The following WARS1 variants were observed in gnomAD, a reference collection of about 807,000 sequenced individuals.
WARS1 encodes tryptophan--tRNA ligase, cytoplasmic.
Under a neutral mutation model 47.8 loss-of-function variants are expected in WARS1, and 17 were observed. The ratio of observed to expected loss-of-function variants is 0.36; its 90% CI spans 0.24 to 0.53. WARS1 has a LOEUF of 0.53. Ranked by LOEUF, WARS1 falls within the 20% of genes least tolerant of loss-of-function variation. The pLI is 0.91. For missense variants in WARS1, 434 were observed against 608.0 expected, an observed-to-expected ratio of 0.71 and a Z score of 3.01; for synonymous variants, 208 against 228.1, an observed-to-expected ratio of 0.91 and a Z score of 0.79.
At chr14:100,344,358 T>G (rs1460697942) in intron 7 of WARS1, among the ~76,000 whole-genome samples, 1 of 152,218 alleles carries the variant, frequency 6.6e-6, no homozygotes. Flanking sequence ...GTGCCGGGAT[T>G]GCAGACGGAG....
At chr14:100,367,949 A>G (rs1896107735) in intron 2 of WARS1, among the ~76,000 whole-genome samples, 1 of 43,888 alleles carries the variant, frequency 2.3e-5, no homozygotes. Context: ...CTGCCCAAAG[A>G]GTAAAGCAAA....
At chr14:100,367,587 C>T (rs1185055365) in intron 2 of WARS1, among the ~76,000 whole-genome samples, 1 of 20,598 alleles carries the variant, frequency 4.9e-5, no homozygotes, top group Non-Finnish European at 8.8e-5. Flanking sequence ...GATTCCATCT[C>T]GGGGGGCGGG....
At chr14:100,350,331 G>A (rs1894886221) in intron 6 of WARS1, among the ~76,000 whole-genome samples, 1 of 136,540 alleles carries the variant, frequency 7.3e-6, no homozygotes, top group Non-Finnish European at 1.5e-5. Context: ...GGCAGATATT[G>A]CAGTAAGCCG....
intron 1 of WARS1, chr14:100,370,608 G>GTA (rs1896286348): frequency 6.6e-6 from 1 of 152,102 alleles, no homozygotes; most frequent in Non-Finnish European, 1.5e-5. Context: ...TCTAAGCACC[G>GTA]TATATGTATC....
chr14:100,337,097 G>C lies in WARS1; in HGVS notation c.1219C>G (p.Leu407Val). The C allele has an allele frequency of 6.2e-7, 1 of 1,614,128 alleles. No homozygotes were observed. The highest frequency in any genetic ancestry group is 1.3e-5 in the African/African-American group (1 of 75,038). The change falls in exon 10 of 11, where the codon CTC (leucine) becomes GTC (valine). Residue 407 changes from leucine (L) to valine (V), a missense_variant. By Grantham distance (32) the Leu-to-Val change is conservative. Transcript: ENST00000392882. ...DVSFMYLTFF[L>V]EDDDKLEQIR... ...TGCTCGAGCTTGTCGTCGTCCTCGA[G>C]GAAGAAGGTCAGGTACATGAAAGAC...
intron 7 of WARS1, among the ~76,000 whole-genome samples, chr14:100,344,966 C>T (rs1418259936): frequency 3.0e-4 from 46 of 150,838 alleles, no homozygotes; most frequent in South Asian, 6.3e-4. Context: ...GTCAGCCCCC[C>T]GCCCGGCCAG....
intron 4 of WARS1, 103 bp from the exon 5 acceptor site, chr14:100,354,669 A>G: frequency 3.8e-6 from 5 of 1,304,868 alleles, no homozygotes; most frequent in Non-Finnish European, 5.2e-6. Context: ...ACGAAACAAC[A>G]TGGATAATAA....
chr14:100,366,324 A>G (rs925818940), intron 2 of WARS1, among the ~76,000 whole-genome samples: 2 of 152,196 alleles, frequency 1.3e-5, no homozygotes, highest in East Asian at 1.9e-4. Context: ...CCTTGACACG[A>G]AAGATTCCCC....
chr14:100,367,393 GC>G, intron 2 of WARS1, among the ~76,000 whole-genome samples: 1 of 152,132 alleles, frequency 6.6e-6, no homozygotes, highest in South Asian at 2.1e-4. Flanking sequence ...TTTGAGATCA[GC>G]CTGGCTAATA....
At position 100,334,993 on chromosome 14, in the gene WARS1, G is replaced by A. The variant is rs1893610473; in HGVS notation, c.1298C>T (p.Ala433Val). 6.2e-7 allele frequency: 1 copy of A among 1,614,114 alleles called. No individual in the cohort carries two copies. The highest frequency in any genetic ancestry group is 8.5e-7 in the Non-Finnish European group (1 of 1,180,018). Residue 433 changes from alanine to valine, a missense_variant, in exon 11 of 11, where the codon GCA becomes GTA. Physicochemically the swap from Ala to Val is moderately conservative, Grantham distance 64 (BLOSUM62 0). Transcript: ENST00000392882. ...GAMLTGELKKALIEVLQPLIA... is the reference protein window; with the variant it reads ...GAMLTGELKKVLIEVLQPLIA... The stretch of plus-strand genomic sequence containing the variant: ...CAAGGGCTGCAGAACCTCTATGAGT[G>A]CCTTCTTGAGCTCACCGGTGAGCAT...
chr14:100,344,676 AG>A (rs1301056246), intron 7 of WARS1, among the ~76,000 whole-genome samples: 9 of 150,228 alleles, frequency 6.0e-5, no homozygotes, highest in Non-Finnish European at 1.5e-5. Flanking sequence ...CTAGGAAGTG[AG>A]GAGTGTCTCT....
intron 4 of WARS1, among the ~76,000 whole-genome samples, chr14:100,358,439 G>A (rs1015971313): frequency 4.6e-5 from 7 of 152,106 alleles, no homozygotes; most frequent in Non-Finnish European, 8.8e-5. Flanking sequence ...GCCAAGAATA[G>A]TCTTTTCAAA....
At position 100,373,143 on chromosome 14, in the gene WARS1, C is replaced by T. The variant is rs911484082; in HGVS notation, c.-74+2140G>A. Among the ~76,000 whole-genome samples, 1 of 152,228 alleles carries T rather than the reference C, an allele frequency of 6.6e-6. No homozygotes were observed. The highest frequency in any genetic ancestry group is 2.4e-5 in the African/African-American group (1 of 41,460). On this transcript the variant is annotated intron_variant, in intron 1 of 10. Transcript: ENST00000392882. This position sits in a 1 kb window ranked among gnomAD's most constrained non-coding sequence, Gnocchi z 4.4. ...TCTTCCATGTACCTCTAGTACCTGG[C>T]ACACAGCTTATCAAAAAATATTTAC...
At chr14:100,344,600 G>A (rs1197638340) in intron 7 of WARS1, among the ~76,000 whole-genome samples, 1 of 151,678 alleles carries the variant, frequency 6.6e-6, no homozygotes, top group African/African-American at 2.4e-5. Flanking sequence ...AAAGTGAGGA[G>A]CGTCTCTGCC....
Position 100,350,399 on chromosome 14 carries a change from G to GAAAAAAAAAAAAAAAAAAAAAAA in WARS1, c.725+3287_725+3288insTTTTTTTTTTTTTTTTTTTTTTT, listed in dbSNP as rs56393656. 1.8e-5 allele frequency among the ~76,000 whole-genome samples: 2 copies of GAAAAAAAAAAAAAAAAAAAAAAA among 112,150 alleles called. 1 individual carries two copies. The highest frequency in any genetic ancestry group is 7.0e-5 in the African/African-American group (2 of 28,634). 73.6% of individuals were successfully genotyped at this position (112,150 alleles called of 152,430 possible). A position where few individuals can be genotyped will look rare whatever the true frequency, so the allele number is the denominator to read the frequency against. On this transcript the variant is annotated intron_variant, in intron 6 of 10. Transcript: ENST00000392882. ...AGAGCAAGACTCCATCTCAAAAAAA[G>GAAAAAAAAAAAAAAAAAAAAAAA]AAAAAAAAAAAAAAAAAGGAAGTTC...
intron 6 of WARS1, 93 bp from the exon 7 acceptor site, chr14:100,346,939 G>T: frequency 1.7e-6 from 2 of 1,144,258 alleles, no homozygotes; most frequent in Non-Finnish European, 2.6e-6. Flanking sequence ...AATGAGTAGT[G>T]GCATGGGCCA....
At chr14:100,364,412 G>A (rs1253796136) in intron 2 of WARS1, among the ~76,000 whole-genome samples, 1 of 152,110 alleles carries the variant, frequency 6.6e-6, no homozygotes, top group Non-Finnish European at 1.5e-5. Context: ...AAGGTCCATG[G>A]CCTAGATAAA....
rs1162674290 is a variant in WARS1 at position 100,344,830 on chromosome 14, G to A, written c.827-1443C>T. Among the ~76,000 whole-genome samples the A allele has an allele frequency of 3.3e-5, 5 of 151,580 alleles. No individual in the cohort carries two copies. The East Asian group carries it at 7.9e-4, about 24-fold the overall frequency. ...CCCGGCCGCCCTGTCTGAGAAGTGA[G>A]GAGACCCTCCGCCCGGCAACCGCCC... On this transcript the variant is annotated intron_variant, in intron 7 of 10. Transcript: ENST00000392882.
Position 100,337,070 on chromosome 14 carries a change from T to C in WARS1, c.1246A>G (p.Ile416Val). The C allele has an allele frequency of 6.2e-7, 1 of 1,613,766 alleles. No homozygotes were observed. The highest frequency in any genetic ancestry group is 8.5e-7 in the Non-Finnish European group (1 of 1,179,680). Residue 416 changes from isoleucine (I) to valine (V), a missense_variant, in exon 10 of 11, where the codon ATC becomes GTC. By Grantham distance (29) the Ile-to-Val change is conservative. Coordinates refer to ENST00000392882, the MANE Select transcript of WARS1 (RefSeq NM_004184.4). Reference sequence around the variant, plus strand: ...TGGGGTTCCCTGCTCACCTTCCTGATCTGCTCGAGCTTGTCGTCGTCCTCG... The same window carrying C: ...TGGGGTTCCCTGCTCACCTTCCTGACCTGCTCGAGCTTGTCGTCGTCCTCG... ...FLEDDDKLEQ[I>V]RKDYTSGAML...
Sources: gnomAD v4.1 joint callset for allele counts (sites outside exome capture counted in the v4.1 genomes callset) on GRCh38, gnomAD v4.1.1 for gene constraint, Gnocchi (gnomAD v3.1) non-coding constraint, MANE v1.5 for transcripts, NCBI Gene and HGNC (gene_info 2026-07-23, HGNC 2026-07-21) for gene names.